RNF135: variants seen among roughly 807,000 people sequenced by gnomAD.
The protein encoded by RNF135 is ring finger protein 135, also known as E3 ubiquitin-protein ligase RNF135.
Under a neutral mutation model 41.9 loss-of-function variants are expected in RNF135, and 46 were observed. That is an observed-to-expected ratio of 1.10 (90% confidence interval 0.87 to 1.40). The LOEUF is 1.40. Among genes scored for constraint, RNF135 ranks in the 40% most tolerant of loss-of-function variants. RNF135 has a pLI of 0.00. For missense variants in RNF135, 539 were observed against 549.8 expected (o/e 0.98, Z 0.20); for synonymous variants, 238 against 223.8 (o/e 1.06, Z -0.57).
the RNF135 span, among the ~76,000 whole-genome samples, chr17:30,963,093 C>CT: frequency 0.015 from 1,539 of 99,316 alleles, 35 homozygotes; most frequent in East Asian, 0.021. Flanking sequence ...GATTCCCTAG[C>CT]TTTTTTTTTT....
At chr17:30,985,500 CT>C (rs1269997831) in intron 2 of RNF135, among the ~76,000 whole-genome samples, 1 of 152,178 alleles carries the variant, frequency 6.6e-6, no homozygotes, top group Non-Finnish European at 1.5e-5. Context: ...CTTCTTCTCC[CT>C]TACCCTAATA....
the RNF135 span, among the ~76,000 whole-genome samples, chr17:30,963,023 C>T: frequency 6.7e-6 from 1 of 149,648 alleles, no homozygotes; most frequent in African/African-American, 2.5e-5. Flanking sequence ...TTGACAATGT[C>T]GAAGTCCTAT....
chr17:30,996,814 A>T (rs1366245333), intron 3 of RNF135, among the ~76,000 whole-genome samples: 1 of 152,184 alleles, frequency 6.6e-6, no homozygotes. Flanking sequence ...ACCCCAACTC[A>T]TGTTACCCAG....
At position 30,999,137 on chromosome 17, in the gene RNF135, G is replaced by T. The variant is rs61749868; in HGVS notation, c.1245G>T (p.Trp415Cys). 8.0e-3 allele frequency: 12,879 copies of T among 1,614,118 alleles called. 61 individuals are homozygous for T. Among genetic ancestry groups the T allele is most frequent in the Non-Finnish European group, 0.01 (12,016 of 1,180,010 alleles). Residue 415 changes from tryptophan to cysteine, a missense_variant, in exon 5 of 5, where the codon TGG becomes TGT. Coordinates refer to ENST00000328381, the MANE Select transcript of RNF135 (RefSeq NM_032322.4). ...SASSPLYPAF[W>C]LYGLHPGNYL... ...CCTCTCCTTTGTACCCTGCCTTCTGGCTGTATGGCTTACATCCTGGAAATT... is the reference window on the plus strand; with the variant it reads ...CCTCTCCTTTGTACCCTGCCTTCTGTCTGTATGGCTTACATCCTGGAAATT...
chr17:30,969,984 C>A (rs1266782970), upstream of RNF135, among the ~76,000 whole-genome samples: 3 of 151,902 alleles, frequency 2.0e-5, no homozygotes, highest in Admixed American at 2.0e-4. Flanking sequence ...ACCATGTTGG[C>A]CAGGCTGGTC....
At chr17:30,984,899 T>C in intron 2 of RNF135, 139 bp downstream of exon 2, 1 of 1,024,118 alleles carries the variant, frequency 9.8e-7, no homozygotes, top group South Asian at 1.3e-5. Flanking sequence ...CTACCAGACA[T>C]GGATGATTGG....
the RNF135 span, among the ~76,000 whole-genome samples, chr17:30,964,278 A>G: frequency 1.3e-5 from 2 of 150,704 alleles, no homozygotes; most frequent in Admixed American, 1.3e-4. Flanking sequence ...AATCCCAGCT[A>G]CTTGGGAGGC....
At chr17:30,984,803 G>T (rs1222065100) in intron 2 of RNF135, 43 bp downstream of exon 2, 2 of 1,601,216 alleles carry the variant, frequency 1.2e-6, no homozygotes, top group Non-Finnish European at 1.7e-6. Flanking sequence ...AGGGAATAGG[G>T]CTAGGGATTG....
intron 1 of RNF135, among the ~76,000 whole-genome samples, chr17:30,977,418 G>C (rs935280820): frequency 6.6e-6 from 1 of 152,120 alleles, no homozygotes; most frequent in African/African-American, 2.4e-5. Flanking sequence ...CTGTTGCCCA[G>C]GTTGGAGTGC....
chr17:30,984,170 C>G (rs906004616), intron 1 of RNF135, among the ~76,000 whole-genome samples: 3 of 152,086 alleles, frequency 2.0e-5, no homozygotes, highest in African/African-American at 7.2e-5. Flanking sequence ...TCCAATTTGT[C>G]TCCTTTTTTC....
At chr17:30,979,885 G>A (rs1448013823) in intron 1 of RNF135, among the ~76,000 whole-genome samples, 3 of 132,182 alleles carry the variant, frequency 2.3e-5, no homozygotes, top group Non-Finnish European at 5.0e-5. Context: ...CCTCCCGGGC[G>A]GGGCGGCTGG....
intron 1 of RNF135, among the ~76,000 whole-genome samples, chr17:30,978,180 T>C (rs1177292936): frequency 6.6e-6 from 1 of 152,216 alleles, no homozygotes; most frequent in African/African-American, 2.4e-5. Context: ...CCTTAACCTT[T>C]GGGAGTTTTA....
chr17:30,978,436 C>T (rs980683280), intron 1 of RNF135, among the ~76,000 whole-genome samples: 2 of 152,058 alleles, frequency 1.3e-5, no homozygotes, highest in African/African-American at 2.4e-5. Flanking sequence ...TCTTTTGTCT[C>T]TTCTTACTGT....
At chr17:30,975,131 GAAA>G (rs1205731203) in intron 1 of RNF135, among the ~76,000 whole-genome samples, 7 of 148,906 alleles carry the variant, frequency 4.7e-5, no homozygotes, top group Middle Eastern at 3.2e-3. Flanking sequence ...AAAAAAAAAA[GAAA>G]AAAGAAGCTA....
chr17:30,980,510 C>T (rs1481852763), intron 1 of RNF135, among the ~76,000 whole-genome samples: 1 of 138,226 alleles, frequency 7.2e-6, no homozygotes, highest in Non-Finnish European at 1.6e-5. Flanking sequence ...CTGACCCCCC[C>T]CACCTCCCTC....
chr17:30,976,202 C>T (rs927183301), intron 1 of RNF135, among the ~76,000 whole-genome samples: 8 of 152,106 alleles, frequency 5.3e-5, no homozygotes, highest in Non-Finnish European at 7.4e-5. Context: ...GACGGGGTTT[C>T]ACCATGTTGG....
chr17:30,968,699 C>G (rs1302663343), upstream of RNF135: 1 of 152,238 alleles, frequency 6.6e-6, no homozygotes, highest in Non-Finnish European at 1.5e-5. Flanking sequence ...CCACTTCCCC[C>G]TTTCTTATAA....
chr17:30,975,767 T>C (rs1413140467), intron 1 of RNF135: 1 of 1,132,224 alleles, frequency 8.8e-7, no homozygotes, highest in African/African-American at 1.5e-5. Flanking sequence ...TCGGGTACCC[T>C]CTTTCCAGCT....
In RNF135 at chr17:30,971,273, C is replaced by G. The variant is rs374171046; in HGVS notation, c.200C>G (p.Ala67Gly). Residue 67 changes from alanine to glycine, a missense_variant, in exon 1 of 5, where the codon GCG becomes GGG. Ala to Gly is a moderately conservative substitution (Grantham distance 60, BLOSUM62 0). This residue lies in a region of RNF135 where 277 missense variants were observed against 212.8 expected (regional missense o/e 1.30). Transcript: ENST00000328381. ...WACPTCRQGA[A>G]QQPHLRKNTL... Reference sequence around the variant, plus strand: ...TGCCCCACTTGCCGCCAGGGCGCCGCGCAGCAGCCGCACCTGCGGAAGAAC... The same window carrying G: ...TGCCCCACTTGCCGCCAGGGCGCCGGGCAGCAGCCGCACCTGCGGAAGAAC... 139 of 1,524,846 alleles carry G rather than the reference C, an allele frequency of 9.1e-5. 2 individuals carry two copies. In the South Asian group the frequency reaches 1.6e-3, roughly 17 times the overall value. The allele number at this position is 1,524,846 out of a possible 1,614,324, so 94.5% of individuals were successfully genotyped here.
Sources: gnomAD v4.1 joint callset for allele counts (sites outside exome capture counted in the v4.1 genomes callset) on GRCh38, gnomAD v4.1.1 for gene constraint, gnomAD v4.1.1 regional missense constraint, MANE v1.5 for transcripts, NCBI Gene and HGNC (gene_info 2026-07-23, HGNC 2026-07-21) for gene names.